PTRH1: variants seen among roughly 807,000 people sequenced by gnomAD.
PTRH1 encodes the protein peptidyl-tRNA hydrolase 1 homolog, also known as peptidyl-tRNA hydrolase.
PTRH1 carries 13 observed loss-of-function variants against 15.7 expected under a neutral mutation model. The observed-to-expected ratio is 0.83, with a 90% CI of 0.54 to 1.31. The LOEUF (loss-of-function observed/expected upper bound fraction) is 1.31, where lower values mean the gene tolerates loss of function less well. Ranked by LOEUF, PTRH1 falls within the 40% of genes most tolerant of loss-of-function variation. PTRH1 has a pLI of 0.00. For missense variants in PTRH1, 319 were observed against 296.2 expected (o/e 1.08, Z -0.56); for synonymous variants, 139 against 136.7 (o/e 1.02, Z -0.12).
chr9:127,695,384 A>T (rs1842550792), intron 1 of PTRH1: 1 of 491,592 alleles, frequency 2.0e-6, no homozygotes, highest in Non-Finnish European at 3.6e-6. Context: ...TGCAGGCTGA[A>T]AGAGTGAGGG....
At position 127,715,599 on chromosome 9, in the gene PTRH1, C is replaced by G. The variant is rs1377742039; in HGVS notation, c.41G>C (p.Ser14Thr). The part of the protein sequence containing the change: ...GGFLGAGQRL[S>T]RAMSRCVLEP... Reference sequence around the variant, plus strand: ...CAAAACACATCGGCTCATGGCTCTACTCAGCCGCTGTCCGGCGCCCAAAAA... The same window carrying G: ...CAAAACACATCGGCTCATGGCTCTAGTCAGCCGCTGTCCGGCGCCCAAAAA... The change falls in exon 1 of 5, where the codon AGT becomes ACT. Residue 14 changes from serine (S) to threonine (T), a missense_variant. Physicochemically the swap from Ser to Thr is moderately conservative, Grantham distance 58 (BLOSUM62 1). Coordinates refer to ENST00000543175, the MANE Select transcript of PTRH1 (RefSeq NM_001002913.3). This position sits in a 1 kb window ranked among gnomAD's most constrained non-coding sequence, Gnocchi z 5.8. The G allele has an allele frequency of 6.2e-7, 1 of 1,613,074 alleles. No homozygotes were observed. Among genetic ancestry groups the G allele is most frequent in the South Asian group, 1.1e-5 (1 of 90,966 alleles).
Position 127,715,115 on chromosome 9 carries a change from C to T in PTRH1, c.176G>A (p.Arg59Gln). 6 of 1,534,594 alleles carry T rather than the reference C, an allele frequency of 3.9e-6. No individual in the cohort carries two copies. The highest frequency in any genetic ancestry group is 5.2e-6 in the Non-Finnish European group (6 of 1,146,184). ...CGTCCAACTCTCCGCCACACCCAGC[C>T]GCCGCGCCAGCTGCCCCAGCACCGC... ...GMAVLGQLAR[R>Q]LGVAESWTRD... Residue 59 changes from arginine (R) to glutamine (Q), a missense_variant, in exon 2 of 5, where the codon CGG (arginine) becomes CAG (glutamine). By Grantham distance (43) the Arg-to-Gln change is conservative (BLOSUM62 1). Transcript: ENST00000543175. The surrounding 1 kb of genome is among the most constrained non-coding windows in gnomAD (Gnocchi z 5.8).
At chr9:127,709,599 G>A (rs770747114), downstream of PTRH1, 1 of 1,614,042 alleles carries the variant, frequency 6.2e-7, no homozygotes, top group Non-Finnish European at 8.5e-7. This position sits in a 1 kb window ranked among gnomAD's most constrained non-coding sequence, Gnocchi z 4.7. Flanking sequence ...TAGCCAAAGA[G>A]ATGGAGAAGG....
intron 1 of PTRH1, among the ~76,000 whole-genome samples, chr9:127,706,764 G>C (rs867752506): frequency 6.6e-6 from 1 of 152,334 alleles, no homozygotes; most frequent in Non-Finnish European, 1.5e-5. Flanking sequence ...TTATTTCCAC[G>C]TGGGAGAAAG....
rs1842547429 is a variant in PTRH1 at position 127,695,115 on chromosome 9, G to A, written c.232C>T (p.Gln78Ter). Residue 78 changes from glutamine to a stop codon, truncating the protein, a stop_gained, in exon 2 of 3, where the codon CAG (glutamine) becomes TAG (stop). Coordinates refer to the PTRH1 transcript ENST00000335223. LOFTEE classifies it high-confidence loss of function. ...TGATGGTGATGATGATGATGCTGCT[G>A]CTGTTGACGATGAGTCCAAGCCAAG... 1 of 702,358 alleles carries A rather than the reference G, an allele frequency of 1.4e-6. No homozygotes were observed. The highest frequency in any genetic ancestry group is 2.0e-5 in the Admixed American group (1 of 49,960). 43.5% of individuals were successfully genotyped at this position (702,358 alleles called of 1,614,324 possible).
chr9:127,715,106 A>T lies in PTRH1; in HGVS notation c.185T>A (p.Val62Glu). ...CCGGTCGCGCGTCCAACTCTCCGCC[A>T]CACCCAGCCGCCGCGCCAGCTGCCC... ...VLGQLARRLG[V>E]AESWTRDRHC... Residue 62 changes from valine to glutamate, a missense_variant, in exon 2 of 5, where the codon GTG becomes GAG. Val to Glu is a moderately radical substitution (Grantham distance 121). Transcript: ENST00000543175. The surrounding 1 kb of genome is among the most constrained non-coding windows in gnomAD (Gnocchi z 5.8). 1 of 1,533,698 alleles carries T rather than the reference A, an allele frequency of 6.5e-7. No individual in the cohort carries two copies. The highest frequency in any genetic ancestry group is 8.7e-7 in the Non-Finnish European group (1 of 1,145,888).
At chr9:127,707,325 G>A (rs1842669253) in intron 1 of PTRH1, 4 of 892,900 alleles carry the variant, frequency 4.5e-6, no homozygotes, top group African/African-American at 1.7e-5. Context: ...ACCCCATCCC[G>A]ACCCCAGCCT....
intron 1 of PTRH1, among the ~76,000 whole-genome samples, chr9:127,700,905 C>T (rs1454036650): frequency 6.6e-6 from 1 of 152,230 alleles, no homozygotes; most frequent in Non-Finnish European, 1.5e-5. Context: ...TGAACTGGCT[C>T]TGGCCAATTT....
downstream of PTRH1, chr9:127,713,049 G>T (rs1430042145): frequency 1.2e-6 from 2 of 1,613,792 alleles, no homozygotes. Flanking sequence ...CCCAGGACTG[G>T]GTCTCTGCTG....
chr9:127,706,473 C>T (rs931480749), intron 1 of PTRH1, among the ~76,000 whole-genome samples: 76 of 152,296 alleles, frequency 5.0e-4, no homozygotes, highest in African/African-American at 1.6e-3. Flanking sequence ...CGCTGTCCCA[C>T]GGAGTGAGTG....
At chr9:127,703,424 C>T (rs1842618437) in intron 1 of PTRH1, among the ~76,000 whole-genome samples, 2 of 148,080 alleles carry the variant, frequency 1.4e-5, no homozygotes, top group African/African-American at 2.5e-5. Flanking sequence ...CCAGCCTGGG[C>T]GACAGAGCAA....
downstream of PTRH1, chr9:127,713,172 G>A (rs200372951): frequency 2.5e-5 from 40 of 1,578,994 alleles, no homozygotes; most frequent in African/African-American, 9.5e-5. Flanking sequence ...TATATCACCC[G>A]TGTGGGGACC....
intron 1 of PTRH1, chr9:127,695,229 A>G (rs1365779908): frequency 1.5e-5 from 9 of 618,666 alleles, no homozygotes; most frequent in East Asian, 1.4e-4. Context: ...TATTCACCCA[A>G]TGGTGAGTTT....
downstream of PTRH1, chr9:127,709,567 G>A (rs374777226): frequency 3.4e-5 from 55 of 1,613,962 alleles, no homozygotes; most frequent in Middle Eastern, 1.6e-4. This position sits in a 1 kb window ranked among gnomAD's most constrained non-coding sequence, Gnocchi z 4.7. Context: ...AGACCTCAAC[G>A]AGCAGCTCCA....
Position 127,715,082 on chromosome 9 carries a change from CG to C in PTRH1, c.208del (p.Arg70GlyfsTer26). ...CAGGGCGAGGTCGGCGGCACAGTGC[CG>C]GTCGCGCGTCCAACTCTCCGCCACA... ...LGVAESWTRDRHCAADLALAP... is the reference protein window; with the variant it reads ...LGVAESWTRDXHCAADLALAP... On this transcript the variant is annotated frameshift_variant, in exon 2 of 5. Coordinates refer to ENST00000543175, the MANE Select transcript of PTRH1 (RefSeq NM_001002913.3). LOFTEE classifies it high-confidence loss of function. The surrounding 1 kb of genome is among the most constrained non-coding windows in gnomAD (Gnocchi z 5.8). The C allele has an allele frequency of 6.5e-7, 1 of 1,531,992 alleles. No individual in the cohort carries two copies. The highest frequency in any genetic ancestry group is 8.7e-7 in the Non-Finnish European group (1 of 1,145,216). 94.9% of individuals were successfully genotyped at this position (1,531,992 alleles called of 1,614,324 possible).
chr9:127,709,929 G>A (rs118183646), downstream of PTRH1, among the ~76,000 whole-genome samples: 1 of 152,332 alleles, frequency 6.6e-6, no homozygotes, highest in East Asian at 1.9e-4. The surrounding 1 kb of genome is among the most constrained non-coding windows in gnomAD (Gnocchi z 4.7). Flanking sequence ...CAAGGGTTGT[G>A]AGGCTCAAAT....
At chr9:127,709,472 A>G, downstream of PTRH1, 1 of 1,614,024 alleles carries the variant, frequency 6.2e-7, no homozygotes, top group Non-Finnish European at 8.5e-7. The surrounding 1 kb of genome is among the most constrained non-coding windows in gnomAD (Gnocchi z 4.7). Context: ...ATGTTCCGCC[A>G]GGAGTTTGAG....
chr9:127,713,708 T>C, downstream of PTRH1: 3 of 709,904 alleles, frequency 4.2e-6, no homozygotes, highest in Non-Finnish European at 7.5e-6. Flanking sequence ...GGTTTCACCA[T>C]GTTGGCCAGG....
chr9:127,697,686 T>C (rs937894401), intron 1 of PTRH1, among the ~76,000 whole-genome samples: 1 of 152,060 alleles, frequency 6.6e-6, no homozygotes, highest in Non-Finnish European at 1.5e-5. Context: ...ACAGCAGCTG[T>C]TGACCTCCAG....
Sources: allele counts gnomAD v4.1 joint callset (sites outside exome capture counted in the v4.1 genomes callset), GRCh38; gene constraint gnomAD v4.1.1; non-coding constraint Gnocchi (gnomAD v3.1); transcripts MANE v1.5; gene names NCBI Gene and HGNC (gene_info 2026-07-23, HGNC 2026-07-21).